Variants in PSMD12 observed in about 807,000 individuals in gnomAD.
PSMD12 encodes the protein proteasome 26S subunit, non-ATPase 12.
A neutral mutation model predicts 62.9 loss-of-function variants in PSMD12; 8 were observed. The observed-to-expected ratio is 0.13, with a 90% CI of 0.07 to 0.23. PSMD12 has a LOEUF of 0.23. PSMD12 is among the 10% of genes least tolerant of loss of function. The pLI is 1.00. For missense variants in PSMD12, 424 were observed against 550.2 expected (o/e 0.77, Z 2.29); for synonymous variants, 173 against 187.4 (o/e 0.92, Z 0.63).
Position 67,340,133 on chromosome 17 carries a change from C to G in PSMD12, c.*710G>C, listed in dbSNP as rs985805262. The G allele has an allele frequency of 7.0e-6, 1 of 143,192 alleles. No individual in the cohort carries two copies. Among genetic ancestry groups the G allele is most frequent in the Non-Finnish European group, 1.5e-5 (1 of 66,360 alleles). 8.9% of individuals were successfully genotyped at this position (143,192 alleles called of 1,614,324 possible). On this transcript the variant is annotated 3_prime_UTR_variant, in exon 11 of 11. Coordinates refer to ENST00000356126, the MANE Select transcript of PSMD12 (RefSeq NM_002816.5). ...AAAAGTAGTCACTATCCCTATAGAGCGGACTTAACACCCAATAAACTGTGT... is the reference window on the plus strand; with the variant it reads ...AAAAGTAGTCACTATCCCTATAGAGGGGACTTAACACCCAATAAACTGTGT...
chr17:67,361,752 C>G (rs2042129866), intron 1 of PSMD12, among the ~76,000 whole-genome samples: 1 of 151,542 alleles, frequency 6.6e-6, no homozygotes, highest in Non-Finnish European at 1.5e-5. Context: ...CCATAAGAGG[C>G]TGAAGGTGAC....
chr17:67,355,915 C>A (rs2042064597), intron 3 of PSMD12, among the ~76,000 whole-genome samples: 1 of 151,560 alleles, frequency 6.6e-6, no homozygotes, highest in African/African-American at 2.4e-5. Flanking sequence ...ATCACTTAAG[C>A]CCAGGAGTTC....
intron 4 of PSMD12, among the ~76,000 whole-genome samples, chr17:67,349,280 A>G (rs2041997106): frequency 6.6e-6 from 1 of 152,212 alleles, no homozygotes; most frequent in Admixed American, 6.5e-5. Flanking sequence ...CGGCCTCCCA[A>G]GGTGCTGGGA....
chr17:67,344,697 C>T lies in PSMD12; in HGVS notation c.992G>A (p.Gly331Asp), dbSNP rs746524285. The T allele has an allele frequency of 8.1e-6, 13 of 1,613,694 alleles. No individual in the cohort carries two copies. Among genetic ancestry groups the T allele is most frequent in the Non-Finnish European group, 1.0e-5 (12 of 1,179,824 alleles). ...ATCCGTTGCAGGACTCTCAAGGGAACCTTTTCTTAATTCCATTCCATAGTC... is the reference window on the plus strand; with the variant it reads ...ATCCGTTGCAGGACTCTCAAGGGAATCTTTTCTTAATTCCATTCCATAGTC... ...VEDYGMELRK[G>D]SLESPATDVF... The change falls in exon 9 of 11, where the codon GGT becomes GAT. Residue 331 changes from glycine (G) to aspartate (D), a missense_variant. Transcript: ENST00000356126.
At chr17:67,364,054 CAAAAAATAA>C in intron 1 of PSMD12, among the ~76,000 whole-genome samples, 1 of 150,272 alleles carries the variant, frequency 6.7e-6, no homozygotes, top group Non-Finnish European at 1.5e-5. Flanking sequence ...TGTCTCGAAA[CAAAAAATAA>C]AAAAAATAAA....
rs1020293765 is a variant in PSMD12, at chr17:67,340,766, C to A, written c.*77G>T. 1.2e-5 allele frequency: 14 copies of A among 1,173,286 alleles called. No individual in the cohort carries two copies. The highest frequency in any genetic ancestry group is 3.5e-5 in the South Asian group (2 of 57,846). The allele number at this position is 1,173,286 out of a possible 1,614,324, so 72.7% of individuals were successfully genotyped here. A position where few individuals can be genotyped will look rare whatever the true frequency, so the allele number is the denominator to read the frequency against. On this transcript the variant is annotated 3_prime_UTR_variant, in exon 11 of 11. Transcript: ENST00000356126. ...AAGACAAAGAAGCTTAGAAAAAAAA[C>A]CCCAACATATACACCATTATAACAG...
In PSMD12 at chr17:67,366,441, G is replaced by A. The variant is rs1168437403; in HGVS notation, c.79C>T (p.Arg27Cys). The stretch of plus-strand genomic sequence containing the variant: ...GCTAGCTTCGCACACTCGGGTAGGC[G>A]CTGATCCACCGTGGCGCTGTAGTCC... ...EVDYSATVDQ[R>C]LPECAKLAKE... The change falls in exon 1 of 11, where the codon CGC becomes TGC. Residue 27 changes from arginine (R) to cysteine (C), a missense_variant. Transcript: ENST00000356126. The A allele has an allele frequency of 6.2e-7, 1 of 1,612,316 alleles. No individual in the cohort carries two copies. The highest frequency in any genetic ancestry group is 8.5e-7 in the Non-Finnish European group (1 of 1,179,318).
Position 67,340,964 on chromosome 17 carries a change from C to G in PSMD12, c.1250G>C (p.Arg417Thr). 6.3e-7 allele frequency: 1 copy of G among 1,581,178 alleles called. No homozygotes were observed. Among genetic ancestry groups the G allele is most frequent in the Non-Finnish European group, 8.6e-7 (1 of 1,169,536 alleles). The change falls in exon 11 of 11, where the codon AGA (arginine) becomes ACA (threonine). Residue 417 changes from arginine (R) to threonine (T), a missense_variant. Coordinates refer to ENST00000356126, the MANE Select transcript of PSMD12 (RefSeq NM_002816.5). ...TAATAAATTATTTGGATCCTTGGGT[C>G]TCTGGAAGTTGATAATTCCTGCTAA... ...DRLAGIINFQ[R>T]PKDPNNLLND...
chr17:67,363,362 C>T (rs569107714), intron 1 of PSMD12, among the ~76,000 whole-genome samples: 2 of 152,154 alleles, frequency 1.3e-5, no homozygotes, highest in Non-Finnish European at 2.9e-5. Context: ...TTAGGCTGGC[C>T]TCAAACTCCT....
chr17:67,350,414 A>G (rs970130021), intron 3 of PSMD12, 78 bp from the exon 4 acceptor site: 1 of 1,096,034 alleles, frequency 9.1e-7, no homozygotes, highest in Non-Finnish European at 1.3e-6. Flanking sequence ...ATCAAAGAGC[A>G]ATGATCGAAC....
chr17:67,363,339 A>G (rs1266210943), intron 1 of PSMD12, among the ~76,000 whole-genome samples: 1 of 152,166 alleles, frequency 6.6e-6, no homozygotes, highest in African/African-American at 2.4e-5. Context: ...TTTTTTGTAG[A>G]GACAGCATCT....
chr17:67,348,186 A>G (rs901351141), intron 5 of PSMD12, among the ~76,000 whole-genome samples: 1 of 152,206 alleles, frequency 6.6e-6, no homozygotes, highest in Non-Finnish European at 1.5e-5. Flanking sequence ...GTGTAACTTT[A>G]TAAGAAACTG....
At chr17:67,350,002 C>T (rs961444268) in intron 4 of PSMD12, among the ~76,000 whole-genome samples, 10 of 152,032 alleles carry the variant, frequency 6.6e-5, no homozygotes, top group African/African-American at 2.2e-4. Flanking sequence ...ATAAGATACC[C>T]AATTCCCAGA....
chr17:67,347,765 CTCA>C (rs1227118633), intron 5 of PSMD12, among the ~76,000 whole-genome samples: 2 of 152,132 alleles, frequency 1.3e-5, no homozygotes, highest in Non-Finnish European at 2.9e-5. Context: ...AAAAATCTTC[CTCA>C]TACTGTCCCT....
intron 1 of PSMD12, among the ~76,000 whole-genome samples, chr17:67,363,266 C>T (rs2042150585): frequency 6.6e-6 from 1 of 152,186 alleles, no homozygotes; most frequent in Non-Finnish European, 1.5e-5. Context: ...ATCCTCCTGC[C>T]TCAGCCTCCA....
chr17:67,344,162 G>A (rs1306472119), intron 9 of PSMD12, among the ~76,000 whole-genome samples: 2 of 152,200 alleles, frequency 1.3e-5, no homozygotes, highest in African/African-American at 2.4e-5. Flanking sequence ...TCAGGTTTAA[G>A]ACATGTTACC....
rs1262632688 is a variant in PSMD12, at chr17:67,339,391, AC to A, written c.*1451del. 1 of 152,128 alleles carries A rather than the reference AC, an allele frequency of 6.6e-6. No individual in the cohort carries two copies. Among genetic ancestry groups the A allele is most frequent in the East Asian group, 1.9e-4 (1 of 5,194 alleles). The allele number at this position is 152,128 out of a possible 1,614,324, so 9.4% of individuals were successfully genotyped here. On this transcript the variant is annotated 3_prime_UTR_variant, in exon 11 of 11. Transcript: ENST00000356126. ...CTCCCAAAGTGCTGGGATCCACTGC[AC>A]CCGGCCTTTTTTGGTTAGTTTTAAA...
chr17:67,362,883 A>G (rs562349622), intron 1 of PSMD12: 1 of 152,244 alleles, frequency 6.6e-6, no homozygotes, highest in South Asian at 2.1e-4. Context: ...CAATACCTAT[A>G]AAGGCATGCC....
At chr17:67,342,601 C>T (rs1014737978) in intron 9 of PSMD12, 49 of 161,650 alleles carry the variant, frequency 3.0e-4, no homozygotes, top group Non-Finnish European at 2.1e-4. Flanking sequence ...TTAAGATTTT[C>T]TAATTATAAC....
Sources: allele counts gnomAD v4.1 joint callset (sites outside exome capture counted in the v4.1 genomes callset), GRCh38; gene constraint gnomAD v4.1.1; transcripts MANE v1.5; gene names NCBI Gene and HGNC (gene_info 2026-07-23, HGNC 2026-07-21).